Variants in IKZF1 observed in about 807,000 individuals in gnomAD.
IKZF1 encodes IKAROS family zinc finger 1.
In IKZF1, 10 loss-of-function variants were observed where a neutral mutation model predicts 51.7. That is an observed-to-expected ratio of 0.19 (90% CI 0.12 to 0.33). IKZF1 has a LOEUF of 0.33. Among genes scored for constraint, IKZF1 ranks in the 10% least tolerant of loss-of-function variants. IKZF1 has a pLI of 1.00. For missense variants in IKZF1, 484 were observed against 707.5 expected (o/e 0.68, Z 3.58); for synonymous variants, 280 against 282.3 (o/e 0.99, Z 0.08).
chr7:50,325,666 T>C (rs1794779824), intron 2 of IKZF1, among the ~76,000 whole-genome samples: 1 of 151,746 alleles, frequency 6.6e-6, no homozygotes, highest in African/African-American at 2.4e-5. Flanking sequence ...TCCCAGCTAC[T>C]CGGGAGGCTG....
At position 50,382,688 on chromosome 7, in the gene IKZF1, C is replaced by G. The variant is rs1255725857; in HGVS notation, c.570C>G (p.Gly190=). Residue 190 remains glycine, a synonymous_variant, in exon 5 of 8, where the codon GGC becomes GGG. Transcript: ENST00000331340. Reference sequence around the variant, plus strand: ...GCCGCCGGAGGGACGCCCTCACTGGCCACCTGAGGACGCACTCCGGTAGGT... The same window carrying G: ...GCCGCCGGAGGGACGCCCTCACTGGGCACCTGAGGACGCACTCCGGTAGGT... ...YACRRRDALT[G]HLRTHSVGKP... is the part of the protein sequence containing the mutation. The G allele has an allele frequency of 6.2e-7, 1 of 1,609,472 alleles. No homozygotes were observed. The highest frequency in any genetic ancestry group is 1.7e-5 in the Admixed American group (1 of 59,966).
rs558851887 is a variant in IKZF1, at chr7:50,383,572, C to G, written c.589+865C>G. 2.0e-5 allele frequency among the ~76,000 whole-genome samples: 3 copies of G among 152,350 alleles called. No individual in the cohort carries two copies. The South Asian group carries it at 6.2e-4, about 32-fold the overall frequency. On this transcript the variant is annotated intron_variant, in intron 5 of 7. Transcript: ENST00000331340. ...TACAACATGACATGGCACAGGTCTC[C>G]TTCATACCGTCCAGTTGGGGATATT...
At chr7:50,357,825 A>T (rs1216274065) in intron 3 of IKZF1, among the ~76,000 whole-genome samples, 1 of 152,214 alleles carries the variant, frequency 6.6e-6, no homozygotes, top group Non-Finnish European at 1.5e-5. Flanking sequence ...ACGAGTTAAG[A>T]AATGGGCTTT....
chr7:50,364,851 G>C (rs1226904710), intron 3 of IKZF1, among the ~76,000 whole-genome samples: 1 of 152,196 alleles, frequency 6.6e-6, no homozygotes, highest in East Asian at 1.9e-4. Context: ...AGGGTGCCAG[G>C]CTTAGCTGCT....
chr7:50,368,350 G>A (rs1239391383), intron 3 of IKZF1: 3 of 697,878 alleles, frequency 4.3e-6, no homozygotes, highest in Non-Finnish European at 7.9e-6. Context: ...CTGCTGGACA[G>A]CTTTGAGATT....
intron 7 of IKZF1, among the ~76,000 whole-genome samples, chr7:50,398,106 T>C (rs1026949484): frequency 6.6e-6 from 1 of 152,216 alleles, no homozygotes; most frequent in Non-Finnish European, 1.5e-5. Context: ...AACCAGCTGA[T>C]GACCTCAGTG....
At chr7:50,388,163 T>C (rs1813984061) in intron 6 of IKZF1, among the ~76,000 whole-genome samples, 2 of 152,192 alleles carry the variant, frequency 1.3e-5, no homozygotes, top group African/African-American at 2.4e-5. Context: ...GGAATGGCAA[T>C]GTTATAAAAG....
chr7:50,356,302 C>T (rs935036294), intron 3 of IKZF1, among the ~76,000 whole-genome samples: 1 of 152,206 alleles, frequency 6.6e-6, no homozygotes, highest in East Asian at 1.9e-4. Flanking sequence ...ATCTAGTACC[C>T]TGTGGGGACA....
At chr7:50,324,633 G>A (rs1013967561) in intron 2 of IKZF1, among the ~76,000 whole-genome samples, 2 of 152,132 alleles carry the variant, frequency 1.3e-5, no homozygotes, top group African/African-American at 4.8e-5. Context: ...AGGGACACTG[G>A]AGCACTGACA....
chr7:50,374,446 G>A (rs1036141597), intron 3 of IKZF1, among the ~76,000 whole-genome samples: 3 of 152,206 alleles, frequency 2.0e-5, no homozygotes, highest in Non-Finnish European at 4.4e-5. Flanking sequence ...TTACCTTCCA[G>A]CTCTGCCACT....
At chr7:50,393,033 A>G (rs1372921105) in intron 7 of IKZF1, among the ~76,000 whole-genome samples, 2 of 152,198 alleles carry the variant, frequency 1.3e-5, no homozygotes, top group African/African-American at 4.8e-5. Context: ...GCAGGAAAGA[A>G]GCACTGGCAT....
At chr7:50,362,523 C>T (rs1805570061) in intron 3 of IKZF1, among the ~76,000 whole-genome samples, 3 of 152,158 alleles carry the variant, frequency 2.0e-5, no homozygotes, top group East Asian at 3.9e-4. Context: ...GTCTTGAGGT[C>T]TTTGTTGACA....
chr7:50,404,629 C>A lies in IKZF1; in HGVS notation c.*4002C>A, dbSNP rs1220690594. On this transcript the variant is annotated 3_prime_UTR_variant, in exon 8 of 8. Transcript: ENST00000331340. ...CAGCGCAGCAGTTCAGCACAACGTA[C>A]CTCCCATCTACAACAGTGCTGGACG... 3 of 229,778 alleles carry A rather than the reference C, an allele frequency of 1.3e-5. No homozygotes were observed. In the Admixed American group the frequency reaches 1.7e-4, roughly 13 times the overall value. 14.2% of individuals were successfully genotyped at this position (229,778 alleles called of 1,614,324 possible). A position where few individuals can be genotyped will look rare whatever the true frequency, so the allele number is the denominator to read the frequency against.
chr7:50,368,245 C>G (rs1157135908), intron 3 of IKZF1: 1 of 703,072 alleles, frequency 1.4e-6, no homozygotes, highest in Non-Finnish European at 2.6e-6. Flanking sequence ...AAACGAAGGT[C>G]TAGGCAGTTG....
chr7:50,327,300 G>T (rs1409011588), intron 2 of IKZF1: 2 of 172,786 alleles, frequency 1.2e-5, no homozygotes, highest in African/African-American at 4.7e-5. Flanking sequence ...ATGGAAATAT[G>T]TACATGAGAA....
At chr7:50,339,078 G>A (rs1368209478) in intron 3 of IKZF1, among the ~76,000 whole-genome samples, 3 of 152,152 alleles carry the variant, frequency 2.0e-5, no homozygotes, top group Admixed American at 2.0e-4. Context: ...CACAGAAATC[G>A]GTGAACGCTG....
At chr7:50,328,998 G>C (rs998313620) in intron 3 of IKZF1, 4 of 151,192 alleles carry the variant, frequency 2.6e-5, no homozygotes, top group Non-Finnish European at 5.9e-5. Flanking sequence ...GCGTGAACCC[G>C]GCAGGCGGAG....
intron 6 of IKZF1, 38 bp downstream of exon 6, chr7:50,387,508 TC>T: frequency 2.5e-6 from 4 of 1,581,962 alleles, no homozygotes; most frequent in Admixed American, 1.8e-5. Flanking sequence ...TGGTGGGCTC[TC>T]CCCCCAGCAC....
At chr7:50,338,427 A>G (rs1311456377) in intron 3 of IKZF1, among the ~76,000 whole-genome samples, 1 of 152,196 alleles carries the variant, frequency 6.6e-6, no homozygotes, top group Non-Finnish European at 1.5e-5. Flanking sequence ...CTGTGTTGAA[A>G]GAATAGTTAG....
Sources: allele counts gnomAD v4.1 joint callset (sites outside exome capture counted in the v4.1 genomes callset), GRCh38; gene constraint gnomAD v4.1.1; transcripts MANE v1.5; gene names NCBI Gene and HGNC (gene_info 2026-07-23, HGNC 2026-07-21).